GRIA4: variants seen among roughly 807,000 people sequenced by gnomAD.
GRIA4 encodes glutamate ionotropic receptor AMPA type subunit 4, also known as glutamate receptor 4.
Under a neutral mutation model 104.0 loss-of-function variants are expected in GRIA4, and 34 were observed. The observed-to-expected ratio is 0.33, with a 90% CI of 0.25 to 0.44. The LOEUF is 0.44. GRIA4 is among the 20% of genes least tolerant of loss of function. The pLI is 1.00. For missense variants in GRIA4, 750 were observed against 1,096.5 expected (o/e 0.68, Z 4.46); for synonymous variants, 386 against 381.9 (o/e 1.01, Z -0.13).
At chr11:105,774,921 C>T (rs1321829076) in intron 4 of GRIA4, among the ~76,000 whole-genome samples, 6 of 152,074 alleles carry the variant, frequency 3.9e-5, no homozygotes. Flanking sequence ...TGACTTACAA[C>T]AGCACACATT....
Position 105,647,959 on chromosome 11 carries a change from AAAATAAATAAATAAAT to A in GRIA4, c.247+35543_247+35558del, listed in dbSNP as rs57841251. On this transcript the variant is annotated intron_variant, in intron 3 of 16. Transcript: ENST00000282499. ...GAGTGACAAAGGGAGCCCCTGTATGAAAATAAATAAATAAATAAATAAATAAATAAATAGTCATAAA... is the reference window on the plus strand; with the variant it reads ...GAGTGACAAAGGGAGCCCCTGTATGAAAATAAATAAATAAATAGTCATAAA... Among the ~76,000 whole-genome samples the A allele has an allele frequency of 1.1e-4, 17 of 147,958 alleles. No homozygotes were observed. The South Asian group carries it at 2.3e-3, about 20-fold the overall frequency.
chr11:105,863,478 AAG>A, intron 5 of GRIA4, among the ~76,000 whole-genome samples: 1 of 152,182 alleles, frequency 6.6e-6, no homozygotes, highest in Non-Finnish European at 1.5e-5. Context: ...GCTTATTCCT[AAG>A]AGAGTCCAAA....
At chr11:105,648,952 A>C (rs12576615) in intron 3 of GRIA4, among the ~76,000 whole-genome samples, 1 of 151,934 alleles carries the variant, frequency 6.6e-6, no homozygotes, top group Non-Finnish European at 1.5e-5. Flanking sequence ...GCTTATGAGA[A>C]GTAGGACGGA....
At position 105,862,296 on chromosome 11, in the gene GRIA4, C is replaced by A. The variant is rs533665239; in HGVS notation, c.672+88C>A. On this transcript the variant is annotated intron_variant, in intron 5 of 16. Coordinates refer to ENST00000282499, the MANE Select transcript of GRIA4 (RefSeq NM_000829.4). ...ACTTGTCCCCATCAACATCTTCTCCCAGCTTTTAATTTGGAGTGTGAGGTT... is the reference window on the plus strand; with the variant it reads ...ACTTGTCCCCATCAACATCTTCTCCAAGCTTTTAATTTGGAGTGTGAGGTT... 7.4e-5 allele frequency: 53 copies of A among 715,510 alleles called. No homozygotes were observed. In the African/African-American group the frequency reaches 7.7e-4, roughly 10 times the overall value. The allele number at this position is 715,510 out of a possible 1,614,324, so 44.3% of individuals were successfully genotyped here. A position where few individuals can be genotyped will look rare whatever the true frequency, so the allele number is the denominator to read the frequency against.
Position 105,971,932 on chromosome 11 carries a change from C to T in GRIA4, c.2313C>T (p.Ala771=), listed in dbSNP as rs772763199. Residue 771 remains alanine (A), a synonymous_variant, in exon 15 of 17, where the codon GCC becomes GCT. Coordinates refer to ENST00000282499, the MANE Select transcript of GRIA4 (RefSeq NM_000829.4). The part of the protein sequence containing the change: ...GSSLRTPVNL[A]VLKLSEAGVL... The stretch of plus-strand genomic sequence containing the variant: ...CGTGAAGAACTCCTGTAAACCTTGC[C>T]GTTTTGAAACTCAGTGAGGCAGGCG... 5 of 1,608,412 alleles carry T rather than the reference C, an allele frequency of 3.1e-6. No homozygotes were observed. The highest frequency in any genetic ancestry group is 1.1e-5 in the South Asian group (1 of 90,942).
intron 3 of GRIA4, among the ~76,000 whole-genome samples, chr11:105,618,473 G>C (rs758646873): frequency 6.6e-6 from 1 of 151,988 alleles, no homozygotes; most frequent in Non-Finnish European, 1.5e-5. Context: ...TTAGTGATTG[G>C]TTGGATGTCT....
At chr11:105,743,352 G>A (rs975105288) in intron 3 of GRIA4, among the ~76,000 whole-genome samples, 1 of 152,008 alleles carries the variant, frequency 6.6e-6, no homozygotes, top group Non-Finnish European at 1.5e-5. Flanking sequence ...ATCCTCAAAC[G>A]CAAACCTGAA....
intron 3 of GRIA4, among the ~76,000 whole-genome samples, chr11:105,690,220 A>G (rs2135491483): frequency 6.6e-6 from 1 of 152,170 alleles, no homozygotes. Flanking sequence ...GAATTCCTTG[A>G]TTTCCATGGC....
intron 3 of GRIA4, among the ~76,000 whole-genome samples, chr11:105,637,261 A>C (rs767102371): frequency 8.5e-5 from 13 of 152,194 alleles, no homozygotes; most frequent in Non-Finnish European, 1.6e-4. Context: ...TGATATTAAC[A>C]ATAGAATTCT....
intron 16 of GRIA4, among the ~76,000 whole-genome samples, chr11:105,977,901 G>C (rs1355801932): frequency 6.6e-6 from 1 of 152,034 alleles, no homozygotes; most frequent in East Asian, 1.9e-4. Context: ...CTATATGGGT[G>C]AGGTTCTTGA....
intron 3 of GRIA4, among the ~76,000 whole-genome samples, chr11:105,679,730 G>C (rs1015047356): frequency 3.3e-5 from 5 of 152,058 alleles, no homozygotes; most frequent in African/African-American, 1.2e-4. Context: ...ACATATTTAT[G>C]ACAAAATAAG....
At chr11:105,883,536 T>C (rs1477098259) in intron 5 of GRIA4, among the ~76,000 whole-genome samples, 1 of 151,954 alleles carries the variant, frequency 6.6e-6, no homozygotes, top group Admixed American at 6.6e-5. Flanking sequence ...GTTTGGTTTT[T>C]TGTCCTTGTG....
At chr11:105,638,641 AT>A (rs1166194660) in intron 3 of GRIA4, among the ~76,000 whole-genome samples, 1 of 152,016 alleles carries the variant, frequency 6.6e-6, no homozygotes, top group Non-Finnish European at 1.5e-5. Flanking sequence ...ACAATTTAGC[AT>A]TTTTTATTAA....
intron 3 of GRIA4, among the ~76,000 whole-genome samples, chr11:105,642,284 G>T (rs1951387331): frequency 6.6e-6 from 1 of 152,026 alleles, no homozygotes; most frequent in Non-Finnish European, 1.5e-5. Context: ...TGGTCAGTAG[G>T]CAAGCTGAGA....
intron 12 of GRIA4, among the ~76,000 whole-genome samples, chr11:105,925,838 T>C (rs1472980121): frequency 6.6e-6 from 1 of 152,090 alleles, no homozygotes; most frequent in Non-Finnish European, 1.5e-5. Flanking sequence ...TATGAAATCA[T>C]TCTTCAAGTT....
chr11:105,887,382 G>C, intron 5 of GRIA4, 137 bp from the exon 6 acceptor site: 1 of 486,062 alleles, frequency 2.1e-6, no homozygotes, highest in South Asian at 3.5e-5. Flanking sequence ...ACTATAGTAC[G>C]TGACTTTTAT....
At chr11:105,693,441 T>C (rs149701488) in intron 3 of GRIA4, among the ~76,000 whole-genome samples, 101 of 152,290 alleles carry the variant, frequency 6.6e-4, no homozygotes, top group Middle Eastern at 6.8e-3. Context: ...TTCCCAATGA[T>C]TGATGCAGAG....
At chr11:105,723,146 T>C (rs2135582021) in intron 3 of GRIA4, among the ~76,000 whole-genome samples, 1 of 123,262 alleles carries the variant, frequency 8.1e-6, no homozygotes, top group Non-Finnish European at 1.7e-5. Context: ...CATACAAACA[T>C]CTCAGCAGTG....
intron 4 of GRIA4, among the ~76,000 whole-genome samples, chr11:105,787,175 G>A (rs189620856): frequency 3.2e-4 from 48 of 152,152 alleles, no homozygotes; most frequent in African/African-American, 8.4e-4. Flanking sequence ...ATTTTTCTGT[G>A]TATAAAGAAG....
Sources: allele counts gnomAD v4.1 joint callset (sites outside exome capture counted in the v4.1 genomes callset), GRCh38; gene constraint gnomAD v4.1.1; transcripts MANE v1.5; gene names NCBI Gene and HGNC (gene_info 2026-07-23, HGNC 2026-07-21).